GRM7: variants seen among roughly 807,000 people sequenced by gnomAD.
The protein encoded by GRM7 is metabotropic glutamate receptor 7.
Under a neutral mutation model 84.5 loss-of-function variants are expected in GRM7, and 35 were observed. That is an observed-to-expected ratio of 0.41 (90% CI 0.32 to 0.55). The LOEUF (loss-of-function observed/expected upper bound fraction) is 0.55, where lower values mean the gene tolerates loss of function less well. Among genes scored for constraint, GRM7 ranks in the 20% least tolerant of loss-of-function variants. The pLI is 0.19. For synonymous variants in GRM7, 487 were observed against 455.1 expected (o/e 1.07, Z -0.89); for missense variants, 1,003 against 1,194.6 (o/e 0.84, Z 2.36).
chr3:7,547,893 C>A (rs1336751006), intron 7 of GRM7, among the ~76,000 whole-genome samples: 1 of 152,216 alleles, frequency 6.6e-6, no homozygotes, highest in Non-Finnish European at 1.5e-5. Flanking sequence ...TGAATCATTT[C>A]ACTAACTGGA....
intron 7 of GRM7, among the ~76,000 whole-genome samples, chr3:7,550,437 CCTTT>C (rs1575482527): frequency 7.6e-6 from 1 of 131,184 alleles, no homozygotes; most frequent in Non-Finnish European, 1.6e-5. Context: ...TCCCTCCCTT[CCTTT>C]CTTCCTTTCT....
intron 9 of GRM7, among the ~76,000 whole-genome samples, chr3:7,689,242 A>G (rs1700704597): frequency 6.6e-6 from 1 of 152,224 alleles, no homozygotes; most frequent in Admixed American, 6.5e-5. Context: ...ATTGAATGAT[A>G]TTATAAAAAT....
chr3:7,153,176 G>A (rs187816802), intron 2 of GRM7, among the ~76,000 whole-genome samples: 26 of 126,316 alleles, frequency 2.1e-4, no homozygotes, highest in Admixed American at 8.0e-4. Flanking sequence ...TGACCACCGA[G>A]CCTCCTTTGT....
intron 1 of GRM7, among the ~76,000 whole-genome samples, chr3:6,885,323 C>T (rs960573305): frequency 6.6e-6 from 1 of 152,180 alleles, no homozygotes; most frequent in African/African-American, 2.4e-5. Flanking sequence ...TGCAGTCATA[C>T]TTAGACCCAC....
chr3:7,593,177 A>C (rs1165403934), intron 8 of GRM7, among the ~76,000 whole-genome samples: 1 of 152,164 alleles, frequency 6.6e-6, no homozygotes, highest in East Asian at 1.9e-4. Context: ...GCCTCACCAA[A>C]TTTCTCCTTT....
At chr3:7,114,889 C>A (rs1692978851) in intron 1 of GRM7, among the ~76,000 whole-genome samples, 1 of 152,060 alleles carries the variant, frequency 6.6e-6, no homozygotes, top group Non-Finnish European at 1.5e-5. Flanking sequence ...TGCTGCCCAC[C>A]CCATGTTTTG....
At chr3:7,600,537 G>T (rs746333297) in intron 8 of GRM7, among the ~76,000 whole-genome samples, 17 of 152,140 alleles carry the variant, frequency 1.1e-4, no homozygotes, top group Non-Finnish European at 2.5e-4. Flanking sequence ...TAGTGAAATA[G>T]AGTTAAAGAG....
chr3:6,863,015 G>A lies in GRM7; in HGVS notation c.519+1108G>A, dbSNP rs1010844944. The A allele has an allele frequency of 2.2e-6, 1 of 455,958 alleles. No individual in the cohort carries two copies. The highest frequency in any genetic ancestry group is 4.4e-6 in the Non-Finnish European group (1 of 226,682). The allele number at this position is 455,958 out of a possible 1,614,324, so 28.2% of individuals were successfully genotyped here. On this transcript the variant is annotated intron_variant, in intron 1 of 9. Coordinates refer to ENST00000357716, the MANE Select transcript of GRM7 (RefSeq NM_000844.4). This position sits in a 1 kb window ranked among gnomAD's most constrained non-coding sequence, Gnocchi z 4.8. ...GAGCTGCACTGGGTAGGAATGAGTG[G>A]CTTTGGGGTTTGGAAATTGAGTTTC...
chr3:7,428,206 GTC>G (rs1309239623), intron 5 of GRM7, among the ~76,000 whole-genome samples: 2 of 152,154 alleles, frequency 1.3e-5, no homozygotes, highest in Non-Finnish European at 2.9e-5. Context: ...CAAGGAGTGT[GTC>G]TCTGCCATTC....
At chr3:7,126,425 C>T (rs551684987) in intron 1 of GRM7, among the ~76,000 whole-genome samples, 85 of 152,160 alleles carry the variant, frequency 5.6e-4, no homozygotes, top group Non-Finnish European at 1.2e-3. Flanking sequence ...CTCCAGAAAG[C>T]ATGCTTCAAT....
chr3:7,230,648 C>A (rs758602490), intron 2 of GRM7, among the ~76,000 whole-genome samples: 1 of 152,132 alleles, frequency 6.6e-6, no homozygotes, highest in African/African-American at 2.4e-5. Context: ...TATGGGTCAG[C>A]GGCTTAATGC....
At chr3:7,558,543 T>C (rs909910708) in intron 7 of GRM7, among the ~76,000 whole-genome samples, 5 of 152,102 alleles carry the variant, frequency 3.3e-5, no homozygotes, top group Admixed American at 6.6e-5. Context: ...TAATAAATAA[T>C]AATGGTTCAT....
intron 1 of GRM7, among the ~76,000 whole-genome samples, chr3:6,988,434 A>G (rs1417706093): frequency 1.3e-5 from 2 of 151,962 alleles, no homozygotes; most frequent in East Asian, 1.9e-4. Context: ...ATGCTGCTCA[A>G]TCACTAAGGG....
chr3:7,376,718 C>T (rs562988815), intron 4 of GRM7, among the ~76,000 whole-genome samples: 4 of 152,174 alleles, frequency 2.6e-5, no homozygotes, highest in Admixed American at 1.3e-4. Context: ...TACAAGAGAC[C>T]GTGTGGCTTG....
chr3:7,357,390 T>C (rs1022385712), intron 4 of GRM7, among the ~76,000 whole-genome samples: 94 of 152,068 alleles, frequency 6.2e-4, no homozygotes, highest in Admixed American at 6.2e-3. Flanking sequence ...TTTCCAAGAA[T>C]GTACTGCCTA....
chr3:7,510,825 A>G (rs556810076), intron 7 of GRM7, among the ~76,000 whole-genome samples: 1 of 152,322 alleles, frequency 6.6e-6, no homozygotes, highest in East Asian at 1.9e-4. Flanking sequence ...GGTTTATTGG[A>G]ACACAGCCAT....
intron 8 of GRM7, among the ~76,000 whole-genome samples, chr3:7,622,857 C>T (rs1697425672): frequency 6.6e-6 from 1 of 152,088 alleles, no homozygotes; most frequent in African/African-American, 2.4e-5. Flanking sequence ...TTTCCTCTGA[C>T]CCTGATGGTA....
chr3:7,388,522 A>G (rs1026040098), intron 4 of GRM7, among the ~76,000 whole-genome samples: 2 of 152,084 alleles, frequency 1.3e-5, no homozygotes, highest in African/African-American at 2.4e-5. Context: ...GATGGTACCA[A>G]TTCTTCTATG....
At chr3:7,026,546 G>A (rs1324607356) in intron 1 of GRM7, among the ~76,000 whole-genome samples, 19 of 152,130 alleles carry the variant, frequency 1.2e-4, no homozygotes. Flanking sequence ...CTTTAATAAA[G>A]CACTATGGAA....
Sources: allele counts gnomAD v4.1 joint callset (sites outside exome capture counted in the v4.1 genomes callset), GRCh38; gene constraint gnomAD v4.1.1; non-coding constraint Gnocchi (gnomAD v3.1); transcripts MANE v1.5; gene names NCBI Gene and HGNC (gene_info 2026-07-23, HGNC 2026-07-21).